UTS2R: variants seen among roughly 807,000 people sequenced by gnomAD.
UTS2R encodes urotensin 2 receptor.
For missense variants in UTS2R, 653 were observed against 562.2 expected, an observed-to-expected ratio of 1.16 and a Z score of -1.63; for synonymous variants, 335 against 280.9, an observed-to-expected ratio of 1.19 and a Z score of -1.93.
At position 82,376,391 on chromosome 17, in the gene UTS2R, C is replaced by T. The variant is rs2052496106; in HGVS notation, c.*897C>T. Among the ~76,000 whole-genome samples the T allele has an allele frequency of 6.6e-6, 1 of 152,066 alleles. No individual in the cohort carries two copies. The highest frequency in any genetic ancestry group is 6.5e-5 in the Admixed American group (1 of 15,282). On this transcript the variant is annotated 3_prime_UTR_variant, in exon 3 of 3. Transcript: ENST00000313135. ...GCCCCCCTCCAGCCCCCAGCCCGGCCCCGGACCCTGCATGGCCTCCCCCAG... is the reference window on the plus strand; with the variant it reads ...GCCCCCCTCCAGCCCCCAGCCCGGCTCCGGACCCTGCATGGCCTCCCCCAG...
At position 82,375,099 on chromosome 17, in the gene UTS2R, C is replaced by T. The variant is rs1287342583; in HGVS notation, c.775C>T (p.Leu259=). The change falls in exon 3 of 3, where the codon CTG becomes TTG. Residue 259 remains leucine (L), a synonymous_variant. Coordinates refer to ENST00000313135, the MANE Select transcript of UTS2R (RefSeq NM_018949.3). The stretch of plus-strand genomic sequence containing the variant: ...GCGGCCGGGGGCGCGCGCGCTGCGC[C>T]TGGTGCTGGGCATCGTGCTGCTCTT... ...ARRPGARALR[L]VLGIVLLFWA... is the part of the protein sequence containing the mutation. 2 of 1,440,708 alleles carry T rather than the reference C, an allele frequency of 1.4e-6. No individual in the cohort carries two copies. The highest frequency in any genetic ancestry group is 1.8e-6 in the Non-Finnish European group (2 of 1,100,742). The allele number at this position is 1,440,708 out of a possible 1,614,324, so 89.2% of individuals were successfully genotyped here.
At chr17:82,372,291 C>G (rs1196222624) in intron 1 of UTS2R, among the ~76,000 whole-genome samples, 1 of 152,182 alleles carries the variant, frequency 6.6e-6, no homozygotes, top group Non-Finnish European at 1.5e-5. Context: ...CTCGGGCTCG[C>G]GCACAACTGG....
Position 82,374,533 on chromosome 17 carries a change from C to T in UTS2R, c.209C>T (p.Ala70Val), listed in dbSNP as rs2052473918. 6.3e-7 allele frequency: 1 copy of T among 1,583,044 alleles called. No homozygotes were observed. Among genetic ancestry groups the T allele is most frequent in the Non-Finnish European group, 8.6e-7 (1 of 1,165,524 alleles). The change falls in exon 3 of 3, where the codon GCC (alanine) becomes GTC (valine). Residue 70 changes from alanine to valine, a missense_variant. Ala to Val is a moderately conservative substitution (Grantham distance 64, BLOSUM62 0). Transcript: ENST00000313135. ...AMGVVGVVGN[A>V]YTLVVTCRSL... ...GGCGTGGTGGGCGTGGTGGGCAACGCCTACACGCTGGTGGTCACCTGCCGC... is the reference window on the plus strand; with the variant it reads ...GGCGTGGTGGGCGTGGTGGGCAACGTCTACACGCTGGTGGTCACCTGCCGC...
chr17:82,372,726 C>T lies in UTS2R; in HGVS notation c.-140C>T, dbSNP rs2052459529. Among the ~76,000 whole-genome samples the T allele has an allele frequency of 6.6e-6, 1 of 152,234 alleles. No individual in the cohort carries two copies. Among genetic ancestry groups the T allele is most frequent in the Non-Finnish European group, 1.5e-5 (1 of 68,052 alleles). On this transcript the variant is annotated 5_prime_UTR_variant, in exon 2 of 3. Coordinates refer to ENST00000313135, the MANE Select transcript of UTS2R (RefSeq NM_018949.3). The stretch of plus-strand genomic sequence containing the variant: ...TGTTTCCAGCTTCTTAGGAGTCAAG[C>T]TGCCGTGAACTTTCGCACGCTTGTC...
rs1368516032 is a variant in UTS2R at position 82,376,041 on chromosome 17, G to T, written c.*547G>T. ...GAGGGTGCACCTGCCTTTGAGGCCTGTGCAGGCGGCTGGTCTGGCACCTGA... is the reference window on the plus strand; with the variant it reads ...GAGGGTGCACCTGCCTTTGAGGCCTTTGCAGGCGGCTGGTCTGGCACCTGA... On this transcript the variant is annotated 3_prime_UTR_variant, in exon 3 of 3. Coordinates refer to ENST00000313135, the MANE Select transcript of UTS2R (RefSeq NM_018949.3). Among the ~76,000 whole-genome samples, 1 of 152,202 alleles carries T rather than the reference G, an allele frequency of 6.6e-6. No individual in the cohort carries two copies. Among genetic ancestry groups the T allele is most frequent in the Non-Finnish European group, 1.5e-5 (1 of 68,026 alleles).
chr17:82,374,438 C>T lies in UTS2R; in HGVS notation c.114C>T (p.Ser38=). ...PNATLNSSWA[S]PTEPSSLEDL... ...CAACCCTCAACAGCTCCTGGGCCAG[C>T]CCGACCGAGCCCAGCTCCCTGGAGG... The change falls in exon 3 of 3, where the codon AGC becomes AGT. Residue 38 remains serine, a synonymous_variant. Coordinates refer to ENST00000313135, the MANE Select transcript of UTS2R (RefSeq NM_018949.3). 1 of 1,598,400 alleles carries T rather than the reference C, an allele frequency of 6.3e-7. No individual in the cohort carries two copies. Among genetic ancestry groups the T allele is most frequent in the Non-Finnish European group, 8.5e-7 (1 of 1,175,836 alleles).
chr17:82,374,992 C>CCGGGCTGCTCAT lies in UTS2R; in HGVS notation c.679_690dup (p.Ile227_Leu230dup), dbSNP rs2052480707. On this transcript the variant is annotated inframe_insertion, in exon 3 of 3. Transcript: ENST00000313135. Reference sequence around the variant, plus strand: ...CTCTTCGCCACCAGCATCGCGGGGCCCGGGCTGCTCATCGGGCTGCTCTAC... The same window carrying CCGGGCTGCTCAT: ...CTCTTCGCCACCAGCATCGCGGGGCCCGGGCTGCTCATCGGGCTGCTCATCGGGCTGCTCTAC... 8 of 1,267,084 alleles carry CCGGGCTGCTCAT rather than the reference C, an allele frequency of 6.3e-6. No individual in the cohort carries two copies. The East Asian group carries it at 1.0e-4, about 17-fold the overall frequency. The allele number at this position is 1,267,084 out of a possible 1,614,324, so 78.5% of individuals were successfully genotyped here.
At position 82,376,697 on chromosome 17, in the gene UTS2R, G is replaced by C. The variant is rs1375693068; in HGVS notation, c.*1203G>C. 6.6e-6 allele frequency among the ~76,000 whole-genome samples: 1 copy of C among 152,262 alleles called. No homozygotes were observed. Among genetic ancestry groups the C allele is most frequent in the African/African-American group, 2.4e-5 (1 of 41,470 alleles). On this transcript the variant is annotated 3_prime_UTR_variant, in exon 3 of 3. Coordinates refer to ENST00000313135, the MANE Select transcript of UTS2R (RefSeq NM_018949.3). ...CTGGTGACTGGGCGATGCTGTGAAC[G>C]AGCCAGTGCCACAGAACTGTGCACC...
At chr17:82,373,098 C>T (rs1357438194) in intron 2 of UTS2R, among the ~76,000 whole-genome samples, 2 of 152,032 alleles carry the variant, frequency 1.3e-5, no homozygotes, top group African/African-American at 4.8e-5. Context: ...TTTGTCTTTT[C>T]CTTACTAATT....
rs1202128100 is a variant in UTS2R, at chr17:82,375,985, C to T, written c.*491C>T. ...GATCCCCAGGACGACAACGGCAGCTCAAGGGGGAGCCTGTGGGTCTGGCTG... is the reference window on the plus strand; with the variant it reads ...GATCCCCAGGACGACAACGGCAGCTTAAGGGGGAGCCTGTGGGTCTGGCTG... On this transcript the variant is annotated 3_prime_UTR_variant, in exon 3 of 3. Transcript: ENST00000313135. Among the ~76,000 whole-genome samples, 1 of 152,190 alleles carries T rather than the reference C, an allele frequency of 6.6e-6. No individual in the cohort carries two copies. Among genetic ancestry groups the T allele is most frequent in the Non-Finnish European group, 1.5e-5 (1 of 68,028 alleles).
intron 2 of UTS2R, 85 bp from the exon 3 acceptor site, chr17:82,374,158 G>A (rs1299017355): frequency 4.9e-6 from 3 of 612,582 alleles, no homozygotes; most frequent in African/African-American, 3.7e-5. Flanking sequence ...GCACTGGGGA[G>A]CCCACGTGAC....
In UTS2R at chr17:82,376,293, A is replaced by G. The variant is rs1182848859; in HGVS notation, c.*799A>G. 6.6e-6 allele frequency among the ~76,000 whole-genome samples: 1 copy of G among 151,698 alleles called. No homozygotes were observed. The highest frequency in any genetic ancestry group is 6.6e-5 in the Admixed American group (1 of 15,240). On this transcript the variant is annotated 3_prime_UTR_variant, in exon 3 of 3. Transcript: ENST00000313135. ...AGCATTGGCAGTCTCTGCCCCACTC[A>G]CCCCTCACTGCCTCCTGGACAGACT...
chr17:82,375,475 G>T lies in UTS2R; in HGVS notation c.1151G>T (p.Gly384Val). Residue 384 changes from glycine to valine, a missense_variant, in exon 3 of 3, where the codon GGT becomes GTT. Physicochemically the swap from Gly to Val is moderately radical, Grantham distance 109 (BLOSUM62 -3). Transcript: ENST00000313135. Reference sequence around the variant, plus strand: ...GCCCCGGCCCGACCTGCGCCCGAGGGTCCCAGGGCCCCGGCGTGAGCACGC... The same window carrying T: ...GCCCCGGCCCGACCTGCGCCCGAGGTTCCCAGGGCCCCGGCGTGAGCACGC... ...PAAPARPAPE[G>V]PRAPA The T allele has an allele frequency of 6.9e-7, 1 of 1,443,850 alleles. No individual in the cohort carries two copies. Among genetic ancestry groups the T allele is most frequent in the South Asian group, 1.3e-5 (1 of 77,912 alleles). The allele number at this position is 1,443,850 out of a possible 1,614,324, so 89.4% of individuals were successfully genotyped here.
At chr17:82,372,294 A>AC (rs1478061589) in intron 1 of UTS2R, among the ~76,000 whole-genome samples, 4 of 151,972 alleles carry the variant, frequency 2.6e-5, no homozygotes, top group African/African-American at 9.7e-5. Context: ...GGGCTCGCGC[A>AC]CAACTGGGGA....
At position 82,375,483 on chromosome 17, in the gene UTS2R, G is replaced by T. The variant is rs535635901; in HGVS notation, c.1159G>T (p.Ala387Ser). Residue 387 changes from alanine (A) to serine (S), a missense_variant, in exon 3 of 3, where the codon GCC becomes TCC. Transcript: ENST00000313135. ...CCGACCTGCGCCCGAGGGTCCCAGG[G>T]CCCCGGCGTGAGCACGCGGAGGGGC... The part of the protein sequence containing the change: ...PARPAPEGPR[A>S]PA The T allele has an allele frequency of 1.4e-6, 2 of 1,387,432 alleles. No individual in the cohort carries two copies. Among genetic ancestry groups the T allele is most frequent in the African/African-American group, 3.0e-5 (2 of 66,032 alleles). 85.9% of individuals were successfully genotyped at this position (1,387,432 alleles called of 1,614,324 possible).
At position 82,374,312 on chromosome 17, in the gene UTS2R, T is replaced by C; in HGVS notation, c.-13T>C. ...TGTCCACCCAGCCCTGAGCCCGTCGTGAGGGGTCAGAGATGGCGCTGACCC... is the reference window on the plus strand; with the variant it reads ...TGTCCACCCAGCCCTGAGCCCGTCGCGAGGGGTCAGAGATGGCGCTGACCC... On this transcript the variant is annotated 5_prime_UTR_variant, in exon 3 of 3. Transcript: ENST00000313135. The C allele has an allele frequency of 6.5e-7, 1 of 1,543,688 alleles. No homozygotes were observed. The highest frequency in any genetic ancestry group is 1.4e-5 in the African/African-American group (1 of 73,328).
At position 82,375,262 on chromosome 17, in the gene UTS2R, T is replaced by G; in HGVS notation, c.938T>G (p.Phe313Cys). 6.4e-7 allele frequency: 1 copy of G among 1,574,406 alleles called. No homozygotes were observed. The highest frequency in any genetic ancestry group is 8.6e-7 in the Non-Finnish European group (1 of 1,161,880). Residue 313 changes from phenylalanine (F) to cysteine (C), a missense_variant, in exon 3 of 3, where the codon TTC becomes TGC. Coordinates refer to ENST00000313135, the MANE Select transcript of UTS2R (RefSeq NM_018949.3). Reference protein sequence around the residue: ...LTYGNSCANPFLYTLLTRNYR... With the variant: ...LTYGNSCANPCLYTLLTRNYR... The stretch of plus-strand genomic sequence containing the variant: ...TACGGCAACAGCTGCGCCAACCCCT[T>G]CCTCTACACGCTGCTCACCAGGAAC...
rs1467424012 is a variant in UTS2R, at chr17:82,375,015, T to C, written c.691T>C (p.Tyr231His). 1.5e-6 allele frequency: 2 copies of C among 1,365,614 alleles called. No homozygotes were observed. Among genetic ancestry groups the C allele is most frequent in the Non-Finnish European group, 2.0e-6 (2 of 1,010,122 alleles). 84.6% of individuals were successfully genotyped at this position (1,365,614 alleles called of 1,614,324 possible). Residue 231 changes from tyrosine (Y) to histidine (H), a missense_variant, in exon 3 of 3, where the codon TAC (tyrosine) becomes CAC (histidine). Coordinates refer to ENST00000313135, the MANE Select transcript of UTS2R (RefSeq NM_018949.3). Reference sequence around the variant, plus strand: ...GCCCGGGCTGCTCATCGGGCTGCTCTACGCGCGCCTGGCCCGCGCCTACCG... The same window carrying C: ...GCCCGGGCTGCTCATCGGGCTGCTCCACGCGCGCCTGGCCCGCGCCTACCG... ...AGPGLLIGLL[Y>H]ARLARAYRRS...
At position 82,376,544 on chromosome 17, in the gene UTS2R, C is replaced by T. The variant is rs540021605; in HGVS notation, c.*1050C>T. 1.3e-5 allele frequency among the ~76,000 whole-genome samples: 2 copies of T among 152,350 alleles called. No homozygotes were observed. Among genetic ancestry groups the T allele is most frequent in the South Asian group, 4.1e-4 (2 of 4,826 alleles). ...TGCCTACCCCTCAGTGGAGTGAGCA[C>T]AGCTCTGCTGGCAGGACTGTGGCCG... On this transcript the variant is annotated 3_prime_UTR_variant, in exon 3 of 3. Transcript: ENST00000313135.
Sources: gnomAD v4.1 joint callset for allele counts (sites outside exome capture counted in the v4.1 genomes callset) on GRCh38, gnomAD v4.1.1 for gene constraint, MANE v1.5 for transcripts, NCBI Gene and HGNC (gene_info 2026-07-23, HGNC 2026-07-21) for gene names.